The following CD96 variants were observed in gnomAD, a reference collection of about 807,000 sequenced individuals.
CD96 encodes CD96 molecule.
A neutral mutation model predicts 71.3 loss-of-function variants in CD96; 70 were observed. The ratio of observed to expected loss-of-function variants is 0.98; its 90% CI spans 0.81 to 1.20. The LOEUF is 1.20. Ranked by LOEUF, CD96 falls within the 50% of genes most tolerant of loss-of-function variation. The pLI, the probability that CD96 is intolerant of heterozygous loss-of-function variation, is 0.00. For missense variants in CD96, 742 were observed against 677.5 expected (o/e 1.10, Z -1.06); for synonymous variants, 248 against 233.0 (o/e 1.06, Z -0.59).
In CD96 at chr3:111,623,800, G is replaced by A; in HGVS notation, c.1227G>A (p.Leu409=). 1 of 1,611,598 alleles carries A rather than the reference G, an allele frequency of 6.2e-7. No individual in the cohort carries two copies. The highest frequency in any genetic ancestry group is 8.5e-7 in the Non-Finnish European group (1 of 1,177,694). Residue 409 remains leucine (L), a synonymous_variant, in exon 9 of 14, where the codon TTG becomes TTA. Transcript: ENST00000352690. ...TGACCCTTGTAGATGTGAGTGCCTTGAGGCCAAACACCACTCCTCAACGTG... is the reference window on the plus strand; with the variant it reads ...TGACCCTTGTAGATGTGAGTGCCTTAAGGCCAAACACCACTCCTCAACGTG... ...SSVTLVDVSA[L]RPNTTPQPSN...
At chr3:111,647,314 A>C (rs1385285001) in intron 12 of CD96, among the ~76,000 whole-genome samples, 1 of 152,152 alleles carries the variant, frequency 6.6e-6, no homozygotes, top group African/African-American at 2.4e-5. Context: ...TATTCATGGT[A>C]CATATGTATG....
In CD96 at chr3:111,649,886, C is replaced by A. The variant is rs1173227690; in HGVS notation, c.*80C>A. ...AGACATTGTGCTTTATTAATATAGT[C>A]GCTCTTCAGCCATGCCTTTGCTGCA... is the stretch of plus-strand genomic sequence containing the variant. On this transcript the variant is annotated 3_prime_UTR_variant, in exon 14 of 14. Coordinates refer to ENST00000352690, the MANE Select transcript of CD96 (RefSeq NM_005816.5). 5 of 934,470 alleles carry A rather than the reference C, an allele frequency of 5.4e-6. No homozygotes were observed. The highest frequency in any genetic ancestry group is 8.8e-6 in the Non-Finnish European group (5 of 567,110). The allele number at this position is 934,470 out of a possible 1,614,324, so 57.9% of individuals were successfully genotyped here. A position where few individuals can be genotyped will look rare whatever the true frequency, so the allele number is the denominator to read the frequency against.
At chr3:111,604,364 T>C (rs142391195) in intron 7 of CD96, among the ~76,000 whole-genome samples, 1 of 152,344 alleles carries the variant, frequency 6.6e-6, no homozygotes, top group African/African-American at 2.4e-5. Context: ...GTGTTTCTGC[T>C]AAATTCTGCA....
intron 8 of CD96, among the ~76,000 whole-genome samples, chr3:111,615,918 G>T (rs1004029693): frequency 6.6e-6 from 1 of 152,052 alleles, no homozygotes; most frequent in Non-Finnish European, 1.5e-5. Flanking sequence ...TCATCTCAGG[G>T]CCTTTTAACC....
chr3:111,563,853 T>G (rs929709729), intron 2 of CD96, among the ~76,000 whole-genome samples: 1 of 152,214 alleles, frequency 6.6e-6, no homozygotes. Context: ...TATTGGAGAA[T>G]CCTCAGGAAA....
At chr3:111,633,398 G>A (rs577779732) in intron 10 of CD96, among the ~76,000 whole-genome samples, 126 of 152,120 alleles carry the variant, frequency 8.3e-4, no homozygotes, top group African/African-American at 3.0e-3. Context: ...AATATTGCAA[G>A]AATTACCAAA....
chr3:111,545,265 C>A lies in CD96; in HGVS notation c.281C>A (p.Thr94Asn), dbSNP rs1466308832. 2 of 1,614,096 alleles carry A rather than the reference C, an allele frequency of 1.2e-6. No homozygotes were observed. Among genetic ancestry groups the A allele is most frequent in the Admixed American group, 1.7e-5 (1 of 60,026 alleles). Residue 94 changes from threonine (T) to asparagine (N), a missense_variant, in exon 2 of 14, where the codon ACT becomes AAT. Physicochemically the swap from Thr to Asn is moderately conservative, Grantham distance 65 (BLOSUM62 0). Transcript: ENST00000352690. Reference sequence around the variant, plus strand: ...GAGTCACTTGTGACTTTCACAGAAACTCCTGAGAATGGGTCAAAATGGACT... The same window carrying A: ...GAGTCACTTGTGACTTTCACAGAAAATCCTGAGAATGGGTCAAAATGGACT... ...PCESLVTFTE[T>N]PENGSKWTLH...
At chr3:111,565,081 ACT>A (rs1243851469) in intron 2 of CD96, among the ~76,000 whole-genome samples, 1 of 151,720 alleles carries the variant, frequency 6.6e-6, no homozygotes, top group Non-Finnish European at 1.5e-5. Flanking sequence ...GTGCCCGCAA[ACT>A]CTCTTCTCCA....
At chr3:111,588,950 T>G (rs984763429) in intron 5 of CD96, among the ~76,000 whole-genome samples, 1 of 149,158 alleles carries the variant, frequency 6.7e-6, no homozygotes, top group African/African-American at 2.5e-5. Context: ...GTTTCTTTTT[T>G]TTTCTTTTTT....
At chr3:111,584,258 C>T (rs566521770) in intron 4 of CD96, among the ~76,000 whole-genome samples, 9 of 152,320 alleles carry the variant, frequency 5.9e-5, no homozygotes, top group Non-Finnish European at 8.8e-5. Flanking sequence ...TCTGAGACCA[C>T]TTCAGCCTCA....
intron 8 of CD96, among the ~76,000 whole-genome samples, chr3:111,623,413 A>G (rs146330134): frequency 1.3e-5 from 2 of 152,356 alleles, no homozygotes; most frequent in African/African-American, 4.8e-5. Context: ...GGTAAGTTTC[A>G]TGAGAGCAGG....
chr3:111,617,704 G>C (rs1017898487), intron 8 of CD96, among the ~76,000 whole-genome samples: 2 of 152,156 alleles, frequency 1.3e-5, no homozygotes, highest in African/African-American at 4.8e-5. Flanking sequence ...TCACCCTCCA[G>C]TTGTCAGCAT....
rs1326230863 is a variant in CD96, at chr3:111,545,183, C to A, written c.199C>A (p.Leu67Met). Residue 67 changes from leucine (L) to methionine (M), a missense_variant, in exon 2 of 14, where the codon CTG (leucine) becomes ATG (methionine). Leu to Met is a conservative substitution (Grantham distance 15). Coordinates refer to ENST00000352690, the MANE Select transcript of CD96 (RefSeq NM_005816.5). ...GTCCAAGGTCACCAATAAGATAGAC[C>A]TGATTGCTGTCTATCATCCCCAATA... Reference protein sequence around the residue: ...QWSKVTNKIDLIAVYHPQYGF... With the variant: ...QWSKVTNKIDMIAVYHPQYGF... 6.8e-6 allele frequency: 11 copies of A among 1,613,924 alleles called. No homozygotes were observed. In the Admixed American group the frequency reaches 1.7e-4, roughly 24 times the overall value.
Position 111,623,819 on chromosome 3 carries a change from C to A in CD96, c.1246C>A (p.Gln416Lys). Residue 416 changes from glutamine to lysine, a missense_variant, in exon 9 of 14, where the codon CAA becomes AAA. Gln to Lys is a moderately conservative substitution (Grantham distance 53). Transcript: ENST00000352690. ...TGCCTTGAGGCCAAACACCACTCCT[C>A]AACGTGAGTTCAGCAAAGTTTTCCT... ...VSALRPNTTP[Q>K]PSNSSMTTRG... is the part of the protein sequence containing the mutation. The A allele has an allele frequency of 6.2e-7, 1 of 1,603,916 alleles. No individual in the cohort carries two copies. Among genetic ancestry groups the A allele is most frequent in the Non-Finnish European group, 8.5e-7 (1 of 1,170,700 alleles).
intron 7 of CD96, among the ~76,000 whole-genome samples, chr3:111,604,765 C>T (rs1246598619): frequency 6.6e-6 from 1 of 152,186 alleles, no homozygotes. Context: ...CAACCTTCTT[C>T]TGTAAAGAGC....
chr3:111,550,107 G>A (rs1934618667), intron 2 of CD96, among the ~76,000 whole-genome samples: 1 of 152,154 alleles, frequency 6.6e-6, no homozygotes, highest in Non-Finnish European at 1.5e-5. Flanking sequence ...AGAATCAGGA[G>A]TGAATTGGGT....
chr3:111,627,882 G>A (rs1386802974), intron 10 of CD96, among the ~76,000 whole-genome samples: 1 of 152,114 alleles, frequency 6.6e-6, no homozygotes, highest in Non-Finnish European at 1.5e-5. Flanking sequence ...CTAGGGTCTG[G>A]GGTAGACCCG....
intron 2 of CD96, among the ~76,000 whole-genome samples, chr3:111,555,887 T>A (rs1483333571): frequency 2.0e-5 from 3 of 152,304 alleles, no homozygotes; most frequent in Non-Finnish European, 4.4e-5. Flanking sequence ...TTTCTACTAC[T>A]CCTGTTTCAT....
intron 7 of CD96, among the ~76,000 whole-genome samples, chr3:111,605,948 G>C (rs976174132): frequency 6.6e-6 from 1 of 152,072 alleles, no homozygotes; most frequent in African/African-American, 2.4e-5. Flanking sequence ...AATCATCTAA[G>C]CACATTTAAC....
Sources: allele counts gnomAD v4.1 joint callset (sites outside exome capture counted in the v4.1 genomes callset), GRCh38; gene constraint gnomAD v4.1.1; transcripts MANE v1.5; gene names NCBI Gene and HGNC (gene_info 2026-07-23, HGNC 2026-07-21).